The following RC3H1 variants were observed in gnomAD, a reference collection of about 807,000 sequenced individuals.
RC3H1 encodes ring finger and CCCH-type domains 1.
RC3H1 carries 50 observed loss-of-function variants against 138.2 expected under a neutral mutation model. That is an observed-to-expected ratio of 0.36 (90% CI 0.29 to 0.46). RC3H1 has a LOEUF of 0.46. Among genes scored for constraint, RC3H1 ranks in the 20% least tolerant of loss-of-function variants. RC3H1 has a pLI of 1.00. For synonymous variants in RC3H1, 462 were observed against 489.1 expected, an observed-to-expected ratio of 0.94 and a Z score of 0.73; for missense variants, 1,031 against 1,388.1, an observed-to-expected ratio of 0.74 and a Z score of 4.09.
Position 173,984,537 on chromosome 1 carries a change from T to C in RC3H1, c.314A>G (p.Glu105Gly). 6.2e-7 allele frequency: 1 copy of C among 1,614,040 alleles called. No homozygotes were observed. Among genetic ancestry groups the C allele is most frequent in the Non-Finnish European group, 8.5e-7 (1 of 1,179,948 alleles). ...GAGCGGTTTTAAGTACAATGCTAAT[T>C]CTTCTACACATTTCTTGGCTTCCTC... ...HYEEAKKCVE[E>G]LALYLKPLSS... Residue 105 changes from glutamate (E) to glycine (G), a missense_variant, in exon 3 of 20, where the codon GAA (glutamate) becomes GGA (glycine). Glu to Gly is a moderately conservative substitution (Grantham distance 98, BLOSUM62 -2). Around this residue, in one of 7 missense-constraint regions of RC3H1, gnomAD observed 80 missense variants for 81.1 expected, o/e 0.99. Transcript: ENST00000367696.
In RC3H1 at chr1:173,941,341, T is replaced by C. The variant is rs761559124; in HGVS notation, c.3175A>G (p.Thr1059Ala). The change falls in exon 19 of 20, where the codon ACA becomes GCA. Residue 1059 changes from threonine to alanine, a missense_variant. Around this residue, in one of 7 missense-constraint regions of RC3H1, gnomAD observed 716 missense variants for 837.9 expected, o/e 0.85. Transcript: ENST00000367696. The stretch of plus-strand genomic sequence containing the variant: ...TGTCCATTTTCTGCTTGTTTACTTG[T>C]ATTCAGTTTGCTTTTCATGTCCAGA... Reference protein sequence around the residue: ...CSLDMKSKLNTSKQAENGQPE... With the variant: ...CSLDMKSKLNASKQAENGQPE... 3.1e-6 allele frequency: 5 copies of C among 1,613,942 alleles called. No homozygotes were observed. The South Asian group carries it at 5.5e-5, about 18-fold the overall frequency.
intron 19 of RC3H1, 88 bp from the exon 20 acceptor site, chr1:173,938,959 G>T: frequency 9.9e-7 from 1 of 1,006,516 alleles, no homozygotes. Flanking sequence ...TAGCATGATT[G>T]AAAATATATA....
At chr1:173,941,003 G>A (rs1658832715) in intron 19 of RC3H1, among the ~76,000 whole-genome samples, 1 of 151,948 alleles carries the variant, frequency 6.6e-6, no homozygotes, top group Non-Finnish European at 1.5e-5. Context: ...TGTATTTTTA[G>A]TAGAGACGGG....
chr1:174,000,721 G>C (rs1661547814), intron 1 of RC3H1, among the ~76,000 whole-genome samples: 1 of 152,122 alleles, frequency 6.6e-6, no homozygotes, highest in East Asian at 1.9e-4. Context: ...GGCCACATCA[G>C]AGAAGAGAAA....
chr1:174,000,243 G>C (rs936202214), intron 1 of RC3H1, among the ~76,000 whole-genome samples: 1 of 152,180 alleles, frequency 6.6e-6, no homozygotes, highest in East Asian at 1.9e-4. Context: ...TCTGTTCTAT[G>C]AGCACAGCAA....
intron 6 of RC3H1, among the ~76,000 whole-genome samples, chr1:173,979,838 A>G (rs1660731505): frequency 6.6e-6 from 1 of 152,182 alleles, no homozygotes; most frequent in Non-Finnish European, 1.5e-5. Flanking sequence ...TATCCAGGGA[A>G]GACTTATAGA....
chr1:173,955,471 C>T (rs1659598836), intron 13 of RC3H1, among the ~76,000 whole-genome samples: 2 of 151,310 alleles, frequency 1.3e-5, no homozygotes, highest in African/African-American at 4.9e-5. Context: ...ATGCCCACCA[C>T]CACGCCCGGC....
In RC3H1 at chr1:173,962,112, A is replaced by G. The variant is rs779988875; in HGVS notation, c.1832-17T>C. On this transcript the variant is annotated splice_polypyrimidine_tract_variant and intron_variant, in intron 11 of 19. Coordinates refer to ENST00000367696, the MANE Select transcript of RC3H1 (RefSeq NM_172071.4). Reference sequence around the variant, plus strand: ...AATACATACCTGCACAATACAAAAGAGGACCCAAAAGCAAATAATGAGCCA... The same window carrying G: ...AATACATACCTGCACAATACAAAAGGGGACCCAAAAGCAAATAATGAGCCA... 3.2e-6 allele frequency: 5 copies of G among 1,566,264 alleles called. No homozygotes were observed. The Admixed American group carries it at 5.6e-5, about 17-fold the overall frequency.
rs1407368790 is a variant in RC3H1 at position 173,937,099 on chromosome 1, G to C, written c.*1622C>G. On this transcript the variant is annotated 3_prime_UTR_variant, in exon 20 of 20. Coordinates refer to ENST00000367696, the MANE Select transcript of RC3H1 (RefSeq NM_172071.4). ...GTATATAAACACGGTGCCTTGACTGGGCAAATTAAATAATTGCTACTCAAA... is the reference window on the plus strand; with the variant it reads ...GTATATAAACACGGTGCCTTGACTGCGCAAATTAAATAATTGCTACTCAAA... 1 of 152,148 alleles carries C rather than the reference G, an allele frequency of 6.6e-6. No homozygotes were observed. The highest frequency in any genetic ancestry group is 1.5e-5 in the Non-Finnish European group (1 of 67,942). 9.4% of individuals were successfully genotyped at this position (152,148 alleles called of 1,614,324 possible). A position where few individuals can be genotyped will look rare whatever the true frequency, so the allele number is the denominator to read the frequency against.
chr1:173,993,049 G>A lies in RC3H1; in HGVS notation c.-64C>T. 8.3e-7 allele frequency: 1 copy of A among 1,205,660 alleles called. No homozygotes were observed. Among genetic ancestry groups the A allele is most frequent in the Non-Finnish European group, 1.2e-6 (1 of 831,100 alleles). The allele number at this position is 1,205,660 out of a possible 1,614,324, so 74.7% of individuals were successfully genotyped here. On this transcript the variant is annotated 5_prime_UTR_variant, in exon 2 of 20. Transcript: ENST00000367696. ...ACAAATCTAAAGCAAAGATTCCACTGGAATCAAAATCTTTGAAAAAAAGTT... is the reference window on the plus strand; with the variant it reads ...ACAAATCTAAAGCAAAGATTCCACTAGAATCAAAATCTTTGAAAAAAAGTT...
chr1:173,966,399 T>G (rs1437981819), intron 9 of RC3H1, among the ~76,000 whole-genome samples: 1 of 152,224 alleles, frequency 6.6e-6, no homozygotes, highest in African/African-American at 2.4e-5. Flanking sequence ...CATTTACAAC[T>G]GCTAATGCAT....
At chr1:173,979,345 T>C (rs1484431172) in intron 6 of RC3H1, among the ~76,000 whole-genome samples, 3 of 152,194 alleles carry the variant, frequency 2.0e-5, no homozygotes, top group South Asian at 2.1e-4. Flanking sequence ...GTAGAATCTT[T>C]ATAAAAGACA....
intron 5 of RC3H1, among the ~76,000 whole-genome samples, chr1:173,981,947 A>G (rs1333588015): frequency 6.6e-6 from 1 of 152,110 alleles, no homozygotes; most frequent in Non-Finnish European, 1.5e-5. Context: ...TAAATGATAC[A>G]TAGTGAGTAG....
chr1:173,970,448 G>A (rs903246375), intron 9 of RC3H1, 57 bp downstream of exon 9: 1 of 1,087,882 alleles, frequency 9.2e-7, no homozygotes, highest in Non-Finnish European at 1.4e-6. Context: ...ATTTCTGTAT[G>A]TCAGCGAATT....
At chr1:173,943,644 A>T in intron 17 of RC3H1, 29 bp from the exon 18 acceptor site, 1 of 1,589,960 alleles carries the variant, frequency 6.3e-7, no homozygotes, top group Non-Finnish European at 8.6e-7. Context: ...CACACAGAAA[A>T]CTCAACACAC....
chr1:173,988,868 CTT>C (rs1661144040), intron 2 of RC3H1, among the ~76,000 whole-genome samples: 2 of 152,186 alleles, frequency 1.3e-5, no homozygotes, highest in African/African-American at 4.8e-5. Flanking sequence ...TTGTTCAGCT[CTT>C]TGTCCATTTT....
chr1:173,998,916 G>A (rs968769706), intron 1 of RC3H1, among the ~76,000 whole-genome samples: 1 of 151,768 alleles, frequency 6.6e-6, no homozygotes, highest in South Asian at 2.1e-4. Context: ...AAAAAGGCAA[G>A]ACCTTGTCTC....
In RC3H1 at chr1:173,946,796, A is replaced by G. The variant is rs779864311; in HGVS notation, c.2778T>C (p.Ser926=). ...PYGTHGGWGA[S]PYSPHQNIPS... is the part of the protein sequence containing the mutation. Reference sequence around the variant, plus strand: ...GTATGTTTTGATGAGGTGAATATGGAGAAGCTCCCCAGCCACCGTGGGTTC... The same window carrying G: ...GTATGTTTTGATGAGGTGAATATGGGGAAGCTCCCCAGCCACCGTGGGTTC... The change falls in exon 16 of 20, where the codon TCT becomes TCC. Residue 926 remains serine (S), a synonymous_variant. Coordinates refer to ENST00000367696, the MANE Select transcript of RC3H1 (RefSeq NM_172071.4). The G allele has an allele frequency of 6.2e-7, 1 of 1,613,798 alleles. No individual in the cohort carries two copies. Among genetic ancestry groups the G allele is most frequent in the Non-Finnish European group, 8.5e-7 (1 of 1,179,678 alleles).
intron 1 of RC3H1, among the ~76,000 whole-genome samples, chr1:174,004,518 T>A (rs1412584192): frequency 1.3e-5 from 2 of 151,768 alleles, no homozygotes; most frequent in Admixed American, 6.6e-5. Flanking sequence ...GAATGTCACT[T>A]GGCAGGGCCA....
Sources: gnomAD v4.1 joint callset for allele counts (sites outside exome capture counted in the v4.1 genomes callset) on GRCh38, gnomAD v4.1.1 for gene constraint, gnomAD v4.1.1 regional missense constraint, MANE v1.5 for transcripts, NCBI Gene and HGNC (gene_info 2026-07-23, HGNC 2026-07-21) for gene names.